ABLIM3: variants seen among roughly 807,000 people sequenced by gnomAD.
ABLIM3 encodes actin binding LIM protein family member 3.
ABLIM3 carries 61 observed loss-of-function variants against 109.5 expected under a neutral mutation model. That is an observed-to-expected ratio of 0.56 (90% CI 0.45 to 0.69). The LOEUF (loss-of-function observed/expected upper bound fraction) is 0.69, where lower values mean the gene tolerates loss of function less well. Among genes scored for constraint, ABLIM3 ranks in the 30% least tolerant of loss-of-function variants. The probability of loss-of-function intolerance (pLI) is 0.00; values close to 1 mark genes in which losing one functional copy is unlikely to be tolerated. For missense variants in ABLIM3, 796 were observed against 889.5 expected (o/e 0.89, Z 1.34); for synonymous variants, 300 against 324.8 (o/e 0.92, Z 0.82).
At chr5:149,257,386 C>T (rs1754529073) in intron 23 of ABLIM3, among the ~76,000 whole-genome samples, 1 of 151,610 alleles carries the variant, frequency 6.6e-6, no homozygotes, top group Non-Finnish European at 1.5e-5. Context: ...TCTCCTTCAG[C>T]ACCCAATTAG....
chr5:149,227,067 T>A (rs1053650624), intron 8 of ABLIM3, among the ~76,000 whole-genome samples: 18 of 85,272 alleles, frequency 2.1e-4, no homozygotes, highest in African/African-American at 3.4e-4. Flanking sequence ...CGAAACTCCA[T>A]CTCAAAAAAA....
intron 23 of ABLIM3, among the ~76,000 whole-genome samples, chr5:149,257,596 A>G (rs903801996): frequency 6.6e-6 from 1 of 152,220 alleles, no homozygotes; most frequent in African/African-American, 2.4e-5. Flanking sequence ...ACATTTTGCC[A>G]CATTTTAAGT....
chr5:149,169,952 C>T (rs1755216532), intron 2 of ABLIM3, among the ~76,000 whole-genome samples: 2 of 152,156 alleles, frequency 1.3e-5, no homozygotes, highest in Admixed American at 1.3e-4. Context: ...GTGAAAAAAT[C>T]CTAACTCAAA....
intron 23 of ABLIM3, among the ~76,000 whole-genome samples, chr5:149,253,420 G>A (rs1487823087): frequency 6.6e-6 from 1 of 152,186 alleles, no homozygotes; most frequent in Non-Finnish European, 1.5e-5. Context: ...TTTCTTCTCT[G>A]TAAAGTGAGG....
intron 2 of ABLIM3, among the ~76,000 whole-genome samples, chr5:149,146,089 A>G (rs1356466816): frequency 6.6e-6 from 1 of 152,074 alleles, no homozygotes; most frequent in Non-Finnish European, 1.5e-5. Flanking sequence ...GCCCACTTCT[A>G]TGTCTTCTTT....
intron 10 of ABLIM3, among the ~76,000 whole-genome samples, chr5:149,236,664 G>A (rs991644387): frequency 6.6e-6 from 1 of 152,126 alleles, no homozygotes; most frequent in African/African-American, 2.4e-5. Context: ...AATGGAAAGA[G>A]CAGCTTTCTG....
chr5:149,213,454 C>G (rs781648014), intron 7 of ABLIM3, among the ~76,000 whole-genome samples: 7 of 152,120 alleles, frequency 4.6e-5, no homozygotes, highest in Non-Finnish European at 7.4e-5. Flanking sequence ...GCGTGGGCTG[C>G]GGAAAAGCTG....
chr5:149,241,127 C>A (rs1014348303), intron 14 of ABLIM3, among the ~76,000 whole-genome samples: 5 of 152,190 alleles, frequency 3.3e-5, no homozygotes, highest in Non-Finnish European at 7.3e-5. Context: ...GGGATGGAAT[C>A]CGATGCAGCT....
At position 149,162,606 on chromosome 5, in the gene ABLIM3, C is replaced by T. The variant is rs73798007; in HGVS notation, c.13+20498C>T. Among the ~76,000 whole-genome samples the T allele has an allele frequency of 6.6e-3, 1,012 of 152,240 alleles. 4 individuals are homozygous for T. The highest frequency in any genetic ancestry group is 0.02 in the Middle Eastern group (6 of 294). ...GTCAGAGCAGGTGACTCATTTTGGC[C>T]GACAGACCCACAATTTCACCTTTCA... On this transcript the variant is annotated intron_variant, in intron 2 of 23. Coordinates refer to ENST00000309868, the MANE Select transcript of ABLIM3 (RefSeq NM_014945.5).
In ABLIM3 at chr5:149,259,689, C is replaced by T; in HGVS notation, c.*1285C>T. On this transcript the variant is annotated 3_prime_UTR_variant, in exon 24 of 24. Transcript: ENST00000309868. ...GGGAGAAAGCTTAACCTCTCTTCTC[C>T]TCTCCAAACCTTTCACCTTGAATGG... 1.7e-6 allele frequency: 2 copies of T among 1,203,788 alleles called. No individual in the cohort carries two copies. Among genetic ancestry groups the T allele is most frequent in the South Asian group, 1.3e-5 (1 of 75,896 alleles). 74.6% of individuals were successfully genotyped at this position (1,203,788 alleles called of 1,614,324 possible). A position where few individuals can be genotyped will look rare whatever the true frequency, so the allele number is the denominator to read the frequency against.
chr5:149,160,915 C>T (rs1015376578), intron 2 of ABLIM3, among the ~76,000 whole-genome samples: 5 of 152,318 alleles, frequency 3.3e-5, no homozygotes, highest in Admixed American at 1.3e-4. Context: ...GGCCCAAGAG[C>T]GAGTAGAATG....
At chr5:149,194,356 A>G (rs116456221) in intron 3 of ABLIM3, among the ~76,000 whole-genome samples, 1 of 152,332 alleles carries the variant, frequency 6.6e-6, no homozygotes, top group African/African-American at 2.4e-5. Context: ...CACATCCACT[A>G]TGTTGACCAA....
intron 23 of ABLIM3, 131 bp downstream of exon 23, chr5:149,252,968 G>C (rs967300344): frequency 6.0e-6 from 4 of 664,684 alleles, no homozygotes; most frequent in African/African-American, 5.5e-5. Flanking sequence ...AAAAAGCAGG[G>C]ACTTGAACCA....
In ABLIM3 at chr5:149,145,980, G is replaced by A. The variant is rs570383374; in HGVS notation, c.13+3872G>A. ...TTTGTATGTTTATTTTGGTAGATAT[G>A]GGGTTTTGCCATGTTGCCCAGGCTG... On this transcript the variant is annotated intron_variant, in intron 2 of 23. Coordinates refer to ENST00000309868, the MANE Select transcript of ABLIM3 (RefSeq NM_014945.5). Among the ~76,000 whole-genome samples the A allele has an allele frequency of 5.9e-5, 9 of 152,160 alleles. No homozygotes were observed. In the South Asian group the frequency reaches 1.9e-3, roughly 32 times the overall value.
At chr5:149,215,803 G>A (rs528885750) in intron 7 of ABLIM3, among the ~76,000 whole-genome samples, 56 of 152,274 alleles carry the variant, frequency 3.7e-4, no homozygotes, top group Non-Finnish European at 7.1e-4. Context: ...CGCCGCTGAA[G>A]TTCCCTTTTA....
rs758172826 is a variant in ABLIM3, at chr5:149,247,795, T to C, written c.1565T>C (p.Ile522Thr). 35 of 1,614,214 alleles carry C rather than the reference T, an allele frequency of 2.2e-5. No individual in the cohort carries two copies. The highest frequency in any genetic ancestry group is 3.0e-5 in the Non-Finnish European group (35 of 1,180,044). Residue 522 changes from isoleucine (I) to threonine (T), a missense_variant, in exon 18 of 24, where the codon ATT becomes ACT. Physicochemically the swap from Ile to Thr is moderately conservative, Grantham distance 89. Coordinates refer to ENST00000309868, the MANE Select transcript of ABLIM3 (RefSeq NM_014945.5). ...DRSMHKLQSGIGRLILKEEMK... is the reference protein window; with the variant it reads ...DRSMHKLQSGTGRLILKEEMK... ...CCCGACCCTCAGCTCCAAAGTGGAA[T>C]TGGCCGGCTGATTCTGAAGGAAGAA...
chr5:149,219,961 G>C (rs1760478270), intron 8 of ABLIM3: 1 of 140,518 alleles, frequency 7.1e-6, no homozygotes, highest in African/African-American at 3.3e-5. Context: ...GAGTGCCTCA[G>C]GGGGGATCCT....
chr5:149,258,634 T>C lies in ABLIM3; in HGVS notation c.*230T>C. 1 of 1,263,148 alleles carries C rather than the reference T, an allele frequency of 7.9e-7. No individual in the cohort carries two copies. Among genetic ancestry groups the C allele is most frequent in the Non-Finnish European group, 1.0e-6 (1 of 1,004,384 alleles). The allele number at this position is 1,263,148 out of a possible 1,614,324, so 78.2% of individuals were successfully genotyped here. A position where few individuals can be genotyped will look rare whatever the true frequency, so the allele number is the denominator to read the frequency against. On this transcript the variant is annotated 3_prime_UTR_variant, in exon 24 of 24. Coordinates refer to ENST00000309868, the MANE Select transcript of ABLIM3 (RefSeq NM_014945.5). ...GGGATTTGAGGGGACTCTGTCCTTTTATTGGGGATCCTTTTTATACTGAAA... is the reference window on the plus strand; with the variant it reads ...GGGATTTGAGGGGACTCTGTCCTTTCATTGGGGATCCTTTTTATACTGAAA...
intron 19 of ABLIM3, 80 bp downstream of exon 19, chr5:149,249,924 C>G (rs1753764110): frequency 5.3e-6 from 8 of 1,516,156 alleles, no homozygotes; most frequent in Non-Finnish European, 1.8e-6. Flanking sequence ...CTCCATAGTT[C>G]TAATGACCAT....
Sources: allele counts gnomAD v4.1 joint callset (sites outside exome capture counted in the v4.1 genomes callset), GRCh38; gene constraint gnomAD v4.1.1; transcripts MANE v1.5; gene names NCBI Gene and HGNC (gene_info 2026-07-23, HGNC 2026-07-21).